HIF1AN: variants seen among roughly 807,000 people sequenced by gnomAD.
The protein encoded by HIF1AN is hypoxia-inducible factor 1-alpha inhibitor.
A neutral mutation model predicts 47.7 loss-of-function variants in HIF1AN; 21 were observed. That is an observed-to-expected ratio of 0.44 (90% confidence interval 0.31 to 0.63). The LOEUF (loss-of-function observed/expected upper bound fraction) is 0.63, where lower values mean the gene tolerates loss of function less well. Among genes scored for constraint, HIF1AN ranks in the 30% least tolerant of loss-of-function variants. The pLI, the probability that HIF1AN is intolerant of heterozygous loss-of-function variation, is 0.07. For synonymous variants in HIF1AN, 152 were observed against 155.9 expected, an observed-to-expected ratio of 0.98 and a Z score of 0.18; for missense variants, 320 against 432.7, an observed-to-expected ratio of 0.74 and a Z score of 2.31.
In HIF1AN at chr10:100,558,511, T is replaced by C. The variant is rs2133739018; in HGVS notation, c.*10374T>C. 3 of 152,170 alleles carry C rather than the reference T, an allele frequency of 2.0e-5. No individual in the cohort carries two copies. The highest frequency in any genetic ancestry group is 2.0e-4 in the Admixed American group (3 of 15,260). The allele number at this position is 152,170 out of a possible 1,614,324, so 9.4% of individuals were successfully genotyped here. A position where few individuals can be genotyped will look rare whatever the true frequency, so the allele number is the denominator to read the frequency against. ...AGAAATCATCAAGATGAGAAGACAT[T>C]TTGTGTTTTGACAGCCAAGGAAATT... On this transcript the variant is annotated 3_prime_UTR_variant, in exon 8 of 8. Coordinates refer to ENST00000299163, the MANE Select transcript of HIF1AN (RefSeq NM_017902.3).
intron 3 of HIF1AN, among the ~76,000 whole-genome samples, chr10:100,541,593 C>T (rs768538641): frequency 2.6e-5 from 4 of 151,768 alleles, no homozygotes; most frequent in Non-Finnish European, 1.5e-5. Flanking sequence ...CTCCGCCTCC[C>T]GTGTTCAAGT....
rs1843230660 is a variant in HIF1AN, at chr10:100,558,323, A to G, written c.*10186A>G. The G allele has an allele frequency of 6.6e-6, 1 of 152,218 alleles. No individual in the cohort carries two copies. Among genetic ancestry groups the G allele is most frequent in the Admixed American group, 6.5e-5 (1 of 15,280 alleles). The allele number at this position is 152,218 out of a possible 1,614,324, so 9.4% of individuals were successfully genotyped here. A position where few individuals can be genotyped will look rare whatever the true frequency, so the allele number is the denominator to read the frequency against. Reference sequence around the variant, plus strand: ...TCATCTGAAAAACTTAAGAGTTGCTAGGCACAGTCGTGCACACTTGTAATC... The same window carrying G: ...TCATCTGAAAAACTTAAGAGTTGCTGGGCACAGTCGTGCACACTTGTAATC... On this transcript the variant is annotated 3_prime_UTR_variant, in exon 8 of 8. Coordinates refer to ENST00000299163, the MANE Select transcript of HIF1AN (RefSeq NM_017902.3).
chr10:100,548,239 C>A lies in HIF1AN; in HGVS notation c.*102C>A. ...CCAAGCGCTAGTATTGCACGCTGCA[C>A]TTAATGGACTGGACTCTTGCCATGG... On this transcript the variant is annotated 3_prime_UTR_variant, in exon 8 of 8. Coordinates refer to ENST00000299163, the MANE Select transcript of HIF1AN (RefSeq NM_017902.3). 1.0e-6 allele frequency: 1 copy of A among 1,003,782 alleles called. No individual in the cohort carries two copies. The highest frequency in any genetic ancestry group is 1.4e-6 in the Non-Finnish European group (1 of 695,766). The allele number at this position is 1,003,782 out of a possible 1,614,324, so 62.2% of individuals were successfully genotyped here. A position where few individuals can be genotyped will look rare whatever the true frequency, so the allele number is the denominator to read the frequency against.
At chr10:100,540,588 G>C (rs1564661937) in intron 2 of HIF1AN, 46 bp from the exon 3 acceptor site, 7 of 1,607,420 alleles carry the variant, frequency 4.4e-6, no homozygotes, top group South Asian at 1.1e-5. Context: ...CATGCCAGGG[G>C]CTGTGTGTGC....
At chr10:100,547,337 T>G in intron 7 of HIF1AN, 87 bp downstream of exon 7, 1 of 803,440 alleles carries the variant, frequency 1.2e-6, no homozygotes, top group Non-Finnish European at 2.1e-6. Flanking sequence ...CTTCTGTGTT[T>G]CAGTGTCTGG....
In HIF1AN at chr10:100,550,745, T is replaced by C. The variant is rs901702090; in HGVS notation, c.*2608T>C. The C allele has an allele frequency of 2.0e-5, 3 of 152,214 alleles. No individual in the cohort carries two copies. Among genetic ancestry groups the C allele is most frequent in the Admixed American group, 6.5e-5 (1 of 15,290 alleles). The allele number at this position is 152,214 out of a possible 1,614,324, so 9.4% of individuals were successfully genotyped here. A position where few individuals can be genotyped will look rare whatever the true frequency, so the allele number is the denominator to read the frequency against. ...GTTCTGTGTCTAATTGCATTACTTA[T>C]GTGTCCTTGAATAGGACCCATAACT... On this transcript the variant is annotated 3_prime_UTR_variant, in exon 8 of 8. Transcript: ENST00000299163.
chr10:100,548,457 G>A lies in HIF1AN; in HGVS notation c.*320G>A, dbSNP rs3750633. On this transcript the variant is annotated 3_prime_UTR_variant, in exon 8 of 8. Coordinates refer to ENST00000299163, the MANE Select transcript of HIF1AN (RefSeq NM_017902.3). ...GTGTGTATGTTAGTCTGTCAACTTC[G>A]GAATGTGTGCGTGTGTGTGCATGCA... is the stretch of plus-strand genomic sequence containing the variant. 0.19 allele frequency: 60,575 copies of A among 321,448 alleles called. 6,201 individuals are homozygous for A. The highest frequency in any genetic ancestry group is 0.22 in the South Asian group (2,829 of 12,954). The allele number at this position is 321,448 out of a possible 1,614,324, so 19.9% of individuals were successfully genotyped here.
At chr10:100,542,846 G>GTTTTTTTTTT (rs397730143) in intron 3 of HIF1AN, among the ~76,000 whole-genome samples, 7 of 111,762 alleles carry the variant, frequency 6.3e-5, no homozygotes, top group Non-Finnish European at 1.0e-4. Context: ...ATGTGAATGT[G>GTTTTTTTTTT]TTTTTTTTTT....
In HIF1AN at chr10:100,536,417, G is replaced by C. The variant is rs1246384214; in HGVS notation, c.184G>C (p.Val62Leu). The C allele has an allele frequency of 6.2e-7, 1 of 1,613,896 alleles. No individual in the cohort carries two copies. The highest frequency in any genetic ancestry group is 1.3e-5 in the African/African-American group (1 of 74,930). ...AEELIENEEP[V>L]VLTDTNLVYP... ...ACCTGTTGTTTTCATTTAGGAGCCT[G>C]TGGTGCTGACCGACACAAATCTTGT... The change falls in exon 2 of 8, where the codon GTG becomes CTG. Residue 62 changes from valine (V) to leucine (L), a missense_variant. Physicochemically the swap from Val to Leu is conservative, Grantham distance 32. This residue lies in a region of HIF1AN where 159 missense variants were observed against 159.9 expected (regional missense o/e 0.99). Coordinates refer to ENST00000299163, the MANE Select transcript of HIF1AN (RefSeq NM_017902.3).
Position 100,545,037 on chromosome 10 carries a change from G to T in HIF1AN, c.664G>T (p.Asp222Tyr). Residue 222 changes from aspartate to tyrosine, a missense_variant, in exon 4 of 8, where the codon GAT becomes TAT. Asp to Tyr is a radical substitution (Grantham distance 160). Around this residue, in one of 2 missense-constraint regions of HIF1AN, gnomAD observed 161 missense variants for 272.8 expected, o/e 0.59. Transcript: ENST00000299163. ...CAAACGATGCATCTTATTCCCTCCGGATCAGTTCGAGTGCCTCTACCCATA... is the reference window on the plus strand; with the variant it reads ...CAAACGATGCATCTTATTCCCTCCGTATCAGTTCGAGTGCCTCTACCCATA... ...GYKRCILFPPDQFECLYPYPV... is the reference protein window; with the variant it reads ...GYKRCILFPPYQFECLYPYPV... 6.2e-7 allele frequency: 1 copy of T among 1,614,186 alleles called. No individual in the cohort carries two copies. The highest frequency in any genetic ancestry group is 1.1e-5 in the South Asian group (1 of 91,086).
intron 2 of HIF1AN, 124 bp downstream of exon 2, chr10:100,536,785 G>A: frequency 9.4e-7 from 1 of 1,064,242 alleles, no homozygotes; most frequent in Non-Finnish European, 1.4e-6. Flanking sequence ...CTGGATTCCA[G>A]TTGAAGGAGT....
chr10:100,543,128 A>G (rs1020760624), intron 3 of HIF1AN, among the ~76,000 whole-genome samples: 1 of 152,126 alleles, frequency 6.6e-6, no homozygotes, highest in African/African-American at 2.4e-5. Context: ...TGCTGCTGGT[A>G]CTAATAAAGA....
At position 100,537,639 on chromosome 10, in the gene HIF1AN, A is replaced by G. The variant is rs1043629522; in HGVS notation, c.428+978A>G. On this transcript the variant is annotated intron_variant, in intron 2 of 7. Transcript: ENST00000299163. Reference sequence around the variant, plus strand: ...ACAGCCTCTTATGTAGGTCCGAGACAGTATTCAGTCCCACACTATAACACT... The same window carrying G: ...ACAGCCTCTTATGTAGGTCCGAGACGGTATTCAGTCCCACACTATAACACT... Among the ~76,000 whole-genome samples, 7 of 152,212 alleles carry G rather than the reference A, an allele frequency of 4.6e-5. 1 individual carries two copies. Among genetic ancestry groups the G allele is most frequent in the Non-Finnish European group, 1.5e-5 (1 of 68,038 alleles).
Position 100,546,582 on chromosome 10 carries a change from G to T in HIF1AN, c.894+1G>T, listed in dbSNP as rs1843096234. ...CATCACTGTGAACTTCTGGTATAAG[G>T]TGAATATGGTTTGCTTTTTTTGTTT... On this transcript the variant is annotated splice_donor_variant, in intron 6 of 7. Transcript: ENST00000299163. LOFTEE classifies it high-confidence loss of function. 6.2e-7 allele frequency: 1 copy of T among 1,612,768 alleles called. No individual in the cohort carries two copies. The highest frequency in any genetic ancestry group is 8.5e-7 in the Non-Finnish European group (1 of 1,179,158).
intron 7 of HIF1AN, among the ~76,000 whole-genome samples, chr10:100,547,624 G>T (rs551335679): frequency 1.1e-3 from 160 of 152,306 alleles, no homozygotes; most frequent in Middle Eastern, 3.4e-3. Context: ...GTGGCCCATT[G>T]GGTAAATGGG....
At chr10:100,543,968 T>C (rs1268970431) in intron 3 of HIF1AN, among the ~76,000 whole-genome samples, 3 of 152,182 alleles carry the variant, frequency 2.0e-5, no homozygotes, top group African/African-American at 7.2e-5. Context: ...CAAGTCTGCT[T>C]TGAGGATGCA....
At chr10:100,541,487 G>GT (rs927221758) in intron 3 of HIF1AN, among the ~76,000 whole-genome samples, 18 of 151,108 alleles carry the variant, frequency 1.2e-4, no homozygotes, top group South Asian at 4.2e-4. Context: ...TGTCGAGTCT[G>GT]TTTTTTTTTG....
intron 5 of HIF1AN, 78 bp from the exon 6 acceptor site, chr10:100,546,440 G>GGCCC: frequency 1.3e-6 from 1 of 750,772 alleles, no homozygotes; most frequent in Non-Finnish European, 2.2e-6. Flanking sequence ...GCCCAACCCT[G>GGCCC]CCACCCCCCC....
At chr10:100,545,864 C>G (rs1462787170) in intron 4 of HIF1AN, 79 bp from the exon 5 acceptor site, 2 of 813,186 alleles carry the variant, frequency 2.5e-6, no homozygotes, top group Admixed American at 2.3e-5. Flanking sequence ...TTTGTTTTTA[C>G]TGCCAAACTG....
Sources: gnomAD v4.1 joint callset for allele counts (sites outside exome capture counted in the v4.1 genomes callset) on GRCh38, gnomAD v4.1.1 for gene constraint, gnomAD v4.1.1 regional missense constraint, MANE v1.5 for transcripts, NCBI Gene and HGNC (gene_info 2026-07-23, HGNC 2026-07-21) for gene names.